Variants in ACVR1C observed in about 807,000 individuals in gnomAD.
The protein encoded by ACVR1C is activin A receptor type 1C.
In ACVR1C, 23 loss-of-function variants were observed where a neutral mutation model predicts 57.9. The observed-to-expected ratio is 0.40, with a 90% CI of 0.29 to 0.56. ACVR1C has a LOEUF of 0.56. ACVR1C is among the 20% of genes least tolerant of loss of function. The probability of loss-of-function intolerance (pLI) is 0.50; values close to 1 mark genes in which losing one functional copy is unlikely to be tolerated. For missense variants in ACVR1C, 480 were observed against 607.9 expected (o/e 0.79, Z 2.21); for synonymous variants, 214 against 215.3 (o/e 0.99, Z 0.05).
intron 8 of ACVR1C, among the ~76,000 whole-genome samples, chr2:157,538,088 C>A (rs1057344969): frequency 6.6e-6 from 1 of 152,190 alleles, no homozygotes; most frequent in East Asian, 1.9e-4. Context: ...ATGTTCCCTG[C>A]AGTGCCTAGC....
Position 157,550,363 on chromosome 2 carries a change from C to A in ACVR1C, c.574G>T (p.Ala192Ser). 6.2e-7 allele frequency: 1 copy of A among 1,614,134 alleles called. No homozygotes were observed. Among genetic ancestry groups the A allele is most frequent in the Non-Finnish European group, 8.5e-7 (1 of 1,180,036 alleles). ...ATTTCCTGAAGCACAATCGTCCTTGCAATTGTCCTTTGAACCAACAGAGGT... is the reference window on the plus strand; with the variant it reads ...ATTTCCTGAAGCACAATCGTCCTTGAAATTGTCCTTTGAACCAACAGAGGT... ...GLPLLVQRTI[A>S]RTIVLQEIVG... Residue 192 changes from alanine (A) to serine (S), a missense_variant, in exon 4 of 9, where the codon GCA (alanine) becomes TCA (serine). Coordinates refer to ENST00000243349, the MANE Select transcript of ACVR1C (RefSeq NM_145259.3).
rs201898892 is a variant in ACVR1C at position 157,555,001 on chromosome 2, T to TA, written c.544+1091dup. Among the ~76,000 whole-genome samples the TA allele has an allele frequency of 5.9e-3, 844 of 142,578 alleles. 9 individuals carry two copies. The highest frequency in any genetic ancestry group is 0.021 in the African/African-American group (790 of 38,148). 93.5% of individuals were successfully genotyped at this position (142,578 alleles called of 152,430 possible). Reference sequence around the variant, plus strand: ...ACTCCGCCAACCTCCTGCCAAAAGATAAAAAAATAAAAAATAAAAATAAAA... The same window carrying TA: ...ACTCCGCCAACCTCCTGCCAAAAGATAAAAAAAATAAAAAATAAAAATAAAA... On this transcript the variant is annotated intron_variant, in intron 3 of 8. Coordinates refer to ENST00000243349, the MANE Select transcript of ACVR1C (RefSeq NM_145259.3).
chr2:157,564,125 T>C (rs774849273), intron 2 of ACVR1C, among the ~76,000 whole-genome samples: 51 of 152,164 alleles, frequency 3.4e-4, no homozygotes, highest in Non-Finnish European at 6.5e-4. Context: ...TAGGATCTAA[T>C]TAAACTAAGA....
intron 1 of ACVR1C, among the ~76,000 whole-genome samples, chr2:157,623,314 T>C (rs1292169838): frequency 6.6e-6 from 1 of 152,190 alleles, no homozygotes; most frequent in East Asian, 1.9e-4. Context: ...TCCATGTTTG[T>C]TGTAGCCCTA....
Position 157,544,523 on chromosome 2 carries a change from C to A in ACVR1C, c.865G>T (p.Val289Leu). 1 of 1,614,022 alleles carries A rather than the reference C, an allele frequency of 6.2e-7. No individual in the cohort carries two copies. The highest frequency in any genetic ancestry group is 2.2e-5 in the East Asian group (1 of 44,878). ...AGCGCCAGCTTGATCATTCCAGCCA[C>A]GGTCACTATATTTCTATTCAAATAG... ...YDYLNRNIVT[V>L]AGMIKLALSI... The change falls in exon 5 of 9, where the codon GTG becomes TTG. Residue 289 changes from valine to leucine, a missense_variant. Transcript: ENST00000243349.
In ACVR1C at chr2:157,544,491, A is replaced by C. The variant is rs771941832; in HGVS notation, c.897T>G (p.Ile299Met). 1 of 1,614,022 alleles carries C rather than the reference A, an allele frequency of 6.2e-7. No homozygotes were observed. Among genetic ancestry groups the C allele is most frequent in the African/African-American group, 1.3e-5 (1 of 75,050 alleles). The stretch of plus-strand genomic sequence containing the variant: ...TATGAAGGTGTGCCAGACCACTAGC[A>C]ATTGAGAGCGCCAGCTTGATCATTC... ...VAGMIKLALS[I>M]ASGLAHLHME... is the part of the protein sequence containing the mutation. The change falls in exon 5 of 9, where the codon ATT (isoleucine) becomes ATG (methionine). Residue 299 changes from isoleucine (I) to methionine (M), a missense_variant. Physicochemically the swap from Ile to Met is conservative, Grantham distance 10 (BLOSUM62 1). Coordinates refer to ENST00000243349, the MANE Select transcript of ACVR1C (RefSeq NM_145259.3).
chr2:157,574,296 C>T (rs1688593162), intron 2 of ACVR1C, among the ~76,000 whole-genome samples: 1 of 152,180 alleles, frequency 6.6e-6, no homozygotes, highest in Admixed American at 6.5e-5. Context: ...TCATAGAAGG[C>T]ACCTTCTCCC....
At chr2:157,577,823 C>G (rs187656927) in intron 2 of ACVR1C, among the ~76,000 whole-genome samples, 4 of 152,110 alleles carry the variant, frequency 2.6e-5, no homozygotes, top group Admixed American at 2.6e-4. Flanking sequence ...TTCCTTTTCT[C>G]TCTTTTCTTG....
intron 2 of ACVR1C, among the ~76,000 whole-genome samples, chr2:157,585,054 G>A (rs1309098596): frequency 6.6e-6 from 1 of 152,106 alleles, no homozygotes; most frequent in Admixed American, 6.6e-5. Flanking sequence ...CATCTACAAT[G>A]ATAGAAAATA....
chr2:157,607,283 T>G (rs111502476), intron 1 of ACVR1C, among the ~76,000 whole-genome samples: 3 of 151,862 alleles, frequency 2.0e-5, no homozygotes, highest in Non-Finnish European at 4.4e-5. Context: ...TAGAATTGTT[T>G]TGGTTATCTG....
intron 1 of ACVR1C, among the ~76,000 whole-genome samples, chr2:157,588,214 C>T (rs898247930): frequency 6.7e-6 from 1 of 149,530 alleles, no homozygotes; most frequent in Non-Finnish European, 1.5e-5. Context: ...CTGTCTACAC[C>T]TCCCCAACAT....
At chr2:157,572,817 A>G (rs539440719) in intron 2 of ACVR1C, among the ~76,000 whole-genome samples, 1 of 152,200 alleles carries the variant, frequency 6.6e-6, no homozygotes, top group African/African-American at 2.4e-5. Context: ...CTTTCATTTT[A>G]GGGGGGAAAA....
At chr2:157,581,987 T>C in intron 2 of ACVR1C, among the ~76,000 whole-genome samples, 1 of 152,140 alleles carries the variant, frequency 6.6e-6, no homozygotes, top group East Asian at 1.9e-4. Flanking sequence ...CATCATCCAG[T>C]GCTCAGCCTG....
At chr2:157,549,560 C>T (rs989751473) in intron 4 of ACVR1C, among the ~76,000 whole-genome samples, 1 of 152,080 alleles carries the variant, frequency 6.6e-6, no homozygotes, top group South Asian at 2.1e-4. Flanking sequence ...TTTTAAGCAC[C>T]GCCCTGGCTA....
At position 157,533,844 on chromosome 2, in the gene ACVR1C, G is replaced by A. The variant is rs113263635; in HGVS notation, c.*74C>T. ...TTTGAGGTAGAACAAAAAAAAAATG[G>A]CAAAAACATTCACATAAAGGGGAAA... On this transcript the variant is annotated 3_prime_UTR_variant, in exon 9 of 9. Coordinates refer to ENST00000243349, the MANE Select transcript of ACVR1C (RefSeq NM_145259.3). The A allele has an allele frequency of 1.7e-5, 24 of 1,402,476 alleles. No homozygotes were observed. In the African/African-American group the frequency reaches 2.5e-4, roughly 15 times the overall value. The allele number at this position is 1,402,476 out of a possible 1,614,324, so 86.9% of individuals were successfully genotyped here. A position where few individuals can be genotyped will look rare whatever the true frequency, so the allele number is the denominator to read the frequency against.
intron 4 of ACVR1C, among the ~76,000 whole-genome samples, chr2:157,545,283 T>C (rs1478850456): frequency 1.3e-5 from 2 of 152,224 alleles, no homozygotes; most frequent in Non-Finnish European, 2.9e-5. Context: ...AAATGAAATG[T>C]CTACAGTAAC....
In ACVR1C at chr2:157,542,897, T is replaced by C. The variant is rs767369777; in HGVS notation, c.944-35A>G. On this transcript the variant is annotated intron_variant, in intron 5 of 8. Transcript: ENST00000243349. ...AAAGAAGAACATATTCATTTTTTTC[T>C]TTACCGGAGACTGTTCAAGAGAAAT... 8 of 1,600,530 alleles carry C rather than the reference T, an allele frequency of 5.0e-6. No individual in the cohort carries two copies. The East Asian group carries it at 1.6e-4, about 31-fold the overall frequency.
At chr2:157,563,663 A>G (rs1238816201) in intron 2 of ACVR1C, among the ~76,000 whole-genome samples, 2 of 152,240 alleles carry the variant, frequency 1.3e-5, no homozygotes, top group Non-Finnish European at 2.9e-5. Flanking sequence ...AGCCAAGACA[A>G]TCCTAAGTGA....
intron 1 of ACVR1C, among the ~76,000 whole-genome samples, chr2:157,592,896 C>T (rs767885320): frequency 1.4e-4 from 22 of 151,998 alleles, no homozygotes; most frequent in Admixed American, 2.6e-4. Context: ...TTATACTTTC[C>T]CATTACAATG....
Sources: gnomAD v4.1 joint callset for allele counts (sites outside exome capture counted in the v4.1 genomes callset) on GRCh38, gnomAD v4.1.1 for gene constraint, MANE v1.5 for transcripts, NCBI Gene and HGNC (gene_info 2026-07-23, HGNC 2026-07-21) for gene names.